HIPK3: variants seen among roughly 807,000 people sequenced by gnomAD.
The protein encoded by HIPK3 is homeodomain interacting protein kinase 3.
A neutral mutation model predicts 124.2 loss-of-function variants in HIPK3; 47 were observed. The observed-to-expected ratio is 0.38, with a 90% CI of 0.30 to 0.48. The LOEUF is 0.48. Ranked by LOEUF, HIPK3 falls within the 20% of genes least tolerant of loss-of-function variation. HIPK3 has a pLI of 0.98. For synonymous variants in HIPK3, 482 were observed against 515.2 expected, an observed-to-expected ratio of 0.94 and a Z score of 0.87; for missense variants, 1,286 against 1,454.3, an observed-to-expected ratio of 0.88 and a Z score of 1.88.
intron 1 of HIPK3, among the ~76,000 whole-genome samples, chr11:33,282,055 C>G (rs922457649): frequency 6.6e-6 from 1 of 152,104 alleles, no homozygotes; most frequent in African/African-American, 2.4e-5. Context: ...CTCATGCTTT[C>G]CTTTAAATCC....
rs745413205 is a variant in HIPK3 at position 33,348,741 on chromosome 11, G to T, written c.2589G>T (p.Pro863=). The T allele has an allele frequency of 6.2e-7, 1 of 1,614,086 alleles. No homozygotes were observed. Among genetic ancestry groups the T allele is most frequent in the East Asian group, 2.2e-5 (1 of 44,876 alleles). The part of the protein sequence containing the change: ...QRQTIIIADS[P]SPAVSVITIS... ...AAACCATCATTATTGCCGACTCCCC[G>T]AGTCCTGCAGTGAGTGTCATCACTA... The change falls in exon 13 of 17, where the codon CCG becomes CCT. Residue 863 remains proline (P), a synonymous_variant. Coordinates refer to ENST00000303296, the MANE Select transcript of HIPK3 (RefSeq NM_005734.5).
intron 2 of HIPK3, among the ~76,000 whole-genome samples, chr11:33,300,929 G>GT (rs1251188602): frequency 1.3e-5 from 2 of 152,062 alleles, no homozygotes; most frequent in African/African-American, 4.8e-5. Context: ...TAGAGACAGG[G>GT]TTTTGCCATG....
Position 33,348,190 on chromosome 11 carries a change from A to AT in HIPK3, c.2332dup (p.Trp778LeufsTer15), listed in dbSNP as rs1853555680. 1 of 1,613,944 alleles carries AT rather than the reference A, an allele frequency of 6.2e-7. No individual in the cohort carries two copies. Among genetic ancestry groups the AT allele is most frequent in the African/African-American group, 1.3e-5 (1 of 74,944 alleles). On this transcript the variant is annotated frameshift_variant, in exon 12 of 17. Transcript: ENST00000303296. LOFTEE classifies it high-confidence loss of function. ...GAGGTATTTTGGTAAAACTAATGGAATGGGAGCCAGGAAGAGAGGAAATAA... is the reference window on the plus strand; with the variant it reads ...GAGGTATTTTGGTAAAACTAATGGAATTGGGAGCCAGGAAGAGAGGAAATAA...
At chr11:33,264,448 C>A (rs997265927) in intron 1 of HIPK3, among the ~76,000 whole-genome samples, 3 of 151,000 alleles carry the variant, frequency 2.0e-5, no homozygotes, top group Non-Finnish European at 4.4e-5. Context: ...AGATCAGAAA[C>A]TTTTCCATTT....
intron 3 of HIPK3, among the ~76,000 whole-genome samples, chr11:33,334,463 C>G (rs1853078930): frequency 6.6e-6 from 1 of 151,974 alleles, no homozygotes; most frequent in Non-Finnish European, 1.5e-5. Context: ...GCCGAAGTAC[C>G]AGGAGAATAT....
At chr11:33,338,907 GC>G in intron 5 of HIPK3, 64 bp downstream of exon 5, 1 of 1,125,530 alleles carries the variant, frequency 8.9e-7, no homozygotes, top group Non-Finnish European at 1.3e-6. Flanking sequence ...ATGCCAAGGG[GC>G]CCAAAACATG....
intron 2 of HIPK3, among the ~76,000 whole-genome samples, chr11:33,294,311 G>C (rs1244855064): frequency 1.3e-5 from 2 of 150,972 alleles, no homozygotes; most frequent in Non-Finnish European, 2.9e-5. Context: ...GTAAAAAATA[G>C]TACAAAGGAT....
chr11:33,338,903 A>T, intron 5 of HIPK3, 60 bp downstream of exon 5: 1 of 1,190,604 alleles, frequency 8.4e-7, no homozygotes, highest in East Asian at 2.4e-5. Context: ...TTGAATGCCA[A>T]GGGGCCCAAA....
chr11:33,261,401 G>C (rs982754624), intron 1 of HIPK3, among the ~76,000 whole-genome samples: 1 of 151,646 alleles, frequency 6.6e-6, no homozygotes, highest in South Asian at 2.1e-4. Context: ...AGTGTCTGTT[G>C]TTCCCCTCTT....
intron 2 of HIPK3, among the ~76,000 whole-genome samples, chr11:33,294,327 T>G (rs1393598623): frequency 6.6e-6 from 1 of 152,082 alleles, no homozygotes; most frequent in Admixed American, 6.6e-5. Context: ...AGGATTCCTG[T>G]TATCCTTCAT....
rs1352066252 is a variant in HIPK3, at chr11:33,355,845, A to ATG, written c.*2277_*2278insTG. 1 of 151,778 alleles carries ATG rather than the reference A, an allele frequency of 6.6e-6. No individual in the cohort carries two copies. Among genetic ancestry groups the ATG allele is most frequent in the Non-Finnish European group, 1.5e-5 (1 of 67,838 alleles). The allele number at this position is 151,778 out of a possible 1,614,324, so 9.4% of individuals were successfully genotyped here. Reference sequence around the variant, plus strand: ...TATACAAATAGAAATATATATATATAAAAAATTAAATGTTTAAAAAGGAGT... The same window carrying ATG: ...TATACAAATAGAAATATATATATATATGAAAAATTAAATGTTTAAAAAGGAGT... On this transcript the variant is annotated 3_prime_UTR_variant, in exon 17 of 17. Transcript: ENST00000303296.
At chr11:33,339,019 C>T (rs1590185379) in intron 5 of HIPK3, among the ~76,000 whole-genome samples, 176 bp downstream of exon 5, 1 of 152,072 alleles carries the variant, frequency 6.6e-6, no homozygotes. Flanking sequence ...TTGCATTTGT[C>T]GTTATCAAAA....
intron 2 of HIPK3, among the ~76,000 whole-genome samples, chr11:33,324,388 C>T (rs745733367): frequency 3.3e-5 from 5 of 152,128 alleles, no homozygotes; most frequent in African/African-American, 7.2e-5. Flanking sequence ...TGGCATGCTA[C>T]GGTTAACTGG....
In HIPK3 at chr11:33,284,227, TCAAC is replaced by T. The variant is rs544393069; in HGVS notation, c.-2-2177_-2-2174del. On this transcript the variant is annotated intron_variant, in intron 1 of 16. Coordinates refer to ENST00000303296, the MANE Select transcript of HIPK3 (RefSeq NM_005734.5). The stretch of plus-strand genomic sequence containing the variant: ...TTAAATTGTAGAAAATGAAGATATT[TCAAC>T]CAACCAACAAGCCAACATTTATTGA... 3.2e-4 allele frequency among the ~76,000 whole-genome samples: 48 copies of T among 152,268 alleles called. 1 individual carries two copies. Among genetic ancestry groups the T allele is most frequent in the Admixed American group, 5.9e-4 (9 of 15,272 alleles).
intron 1 of HIPK3, among the ~76,000 whole-genome samples, chr11:33,280,270 C>T (rs1851377842): frequency 6.6e-6 from 1 of 152,058 alleles, no homozygotes; most frequent in Admixed American, 6.6e-5. Context: ...GTATACATTG[C>T]AATGAAAAAT....
At position 33,351,701 on chromosome 11, in the gene HIPK3, C is replaced by T. The variant is rs767939951; in HGVS notation, c.2901C>T (p.Ser967=). The stretch of plus-strand genomic sequence containing the variant: ...GGCATGACAGTCCATTTGCAGAGAG[C>T]ACTTTTGTGGAGGACACTCATGAAA... ...SSGHDSPFAE[S]TFVEDTHENT... Residue 967 remains serine, a synonymous_variant, in exon 15 of 17, where the codon AGC becomes AGT. Coordinates refer to ENST00000303296, the MANE Select transcript of HIPK3 (RefSeq NM_005734.5). 3.7e-6 allele frequency: 6 copies of T among 1,614,128 alleles called. No homozygotes were observed. The East Asian group carries it at 6.7e-5, about 18-fold the overall frequency.
In HIPK3 at chr11:33,303,170, A is replaced by G. The variant is rs577323060; in HGVS notation, c.1097+15659A>G. On this transcript the variant is annotated intron_variant, in intron 2 of 16. Transcript: ENST00000303296. Reference sequence around the variant, plus strand: ...GGACATCAAAATCCACAGACACTCAAGTCCCTTATATAAAATGGCATAGTA... The same window carrying G: ...GGACATCAAAATCCACAGACACTCAGGTCCCTTATATAAAATGGCATAGTA... Among the ~76,000 whole-genome samples the G allele has an allele frequency of 2.0e-5, 3 of 152,224 alleles. No individual in the cohort carries two copies. In the South Asian group the frequency reaches 6.2e-4, roughly 32 times the overall value.
At chr11:33,257,256 C>T (rs1279423573), upstream of HIPK3, 2 of 983,558 alleles carry the variant, frequency 2.0e-6, no homozygotes, top group Non-Finnish European at 2.4e-6. Flanking sequence ...CACGGAGGCG[C>T]CGCGGCCGGA....
rs935658897 is a variant in HIPK3 at position 33,285,542 on chromosome 11, G to C, written c.-2-871G>C. ...AATTTTATTTAAAATCCCTGCCATA[G>C]GTGGGGCATAGCGAAACTCTGTCTC... On this transcript the variant is annotated intron_variant, in intron 1 of 16. Coordinates refer to ENST00000303296, the MANE Select transcript of HIPK3 (RefSeq NM_005734.5). Among the ~76,000 whole-genome samples, 39 of 143,894 alleles carry C rather than the reference G, an allele frequency of 2.7e-4. 1 individual carries two copies. The highest frequency in any genetic ancestry group is 2.1e-4 in the Non-Finnish European group (14 of 66,412). 94.4% of individuals were successfully genotyped at this position (143,894 alleles called of 152,430 possible).
Sources: allele counts gnomAD v4.1 joint callset (sites outside exome capture counted in the v4.1 genomes callset), GRCh38; gene constraint gnomAD v4.1.1; transcripts MANE v1.5; gene names NCBI Gene and HGNC (gene_info 2026-07-23, HGNC 2026-07-21).